C14orf39: variants seen among roughly 807,000 people sequenced by gnomAD.
The protein encoded by C14orf39 is chromosome 14 open reading frame 39.
A neutral mutation model predicts 85.6 loss-of-function variants in C14orf39; 66 were observed. The ratio of observed to expected loss-of-function variants is 0.77; its 90% CI spans 0.63 to 0.95. The LOEUF (loss-of-function observed/expected upper bound fraction) is 0.95, where lower values mean the gene tolerates loss of function less well. C14orf39 is among the 40% of genes least tolerant of loss of function. The pLI, the probability that C14orf39 is intolerant of heterozygous loss-of-function variation, is 0.00. For missense variants in C14orf39, 735 were observed against 663.9 expected, an observed-to-expected ratio of 1.11 and a Z score of -1.18; for synonymous variants, 242 against 214.0, an observed-to-expected ratio of 1.13 and a Z score of -1.14.
chr14:60,436,304 T>C lies in C14orf39; in HGVS notation c.*541A>G, dbSNP rs1890246913. ...AACTCATAAAATTAGAATTGTACCA[T>C]GTGTTATATTAGAAGAAAATAACAC... On this transcript the variant is annotated 3_prime_UTR_variant, in exon 18 of 18. Coordinates refer to ENST00000321731, the MANE Select transcript of C14orf39 (RefSeq NM_174978.3). 1 of 152,184 alleles carries C rather than the reference T, an allele frequency of 6.6e-6. No homozygotes were observed. The highest frequency in any genetic ancestry group is 1.5e-5 in the Non-Finnish European group (1 of 68,046). The allele number at this position is 152,184 out of a possible 1,614,324, so 9.4% of individuals were successfully genotyped here.
rs770148963 is a variant in C14orf39 at position 60,511,237 on chromosome 14, C to T, written c.-144+4158G>A. 168 of 1,613,276 alleles carry T rather than the reference C, an allele frequency of 1.0e-4. No individual in the cohort carries two copies. Among genetic ancestry groups the T allele is most frequent in the Non-Finnish European group, 1.4e-4 (163 of 1,179,936 alleles). ...CCATCTCCATCACGTCCAGCGACAG[C>T]GAGTGCGACATCTGAGTTGCCCATC... On this transcript the variant is annotated intron_variant, in intron 1 of 5. Transcript: ENST00000556799.
chr14:60,444,508 T>A (rs1890671472), intron 16 of C14orf39, among the ~76,000 whole-genome samples: 1 of 151,190 alleles, frequency 6.6e-6, no homozygotes, highest in Non-Finnish European at 1.5e-5. Context: ...GAAAAAAGAG[T>A]AAAAAGAAAC....
intron 15 of C14orf39, among the ~76,000 whole-genome samples, chr14:60,456,391 A>C (rs1318829083): frequency 2.0e-5 from 3 of 151,474 alleles, no homozygotes. Context: ...ATAAGTCTAC[A>C]ATCTACCATA....
intron 1 of C14orf39, among the ~76,000 whole-genome samples, chr14:60,506,871 G>A (rs1250057165): frequency 6.6e-6 from 1 of 152,176 alleles, no homozygotes; most frequent in African/African-American, 2.4e-5. Context: ...CAAGAAATGG[G>A]CCATGGGATA....
At chr14:60,485,818 G>T (rs6573312) in intron 1 of C14orf39, 127 bp downstream of exon 1, 124,965 of 151,894 alleles carry the variant, frequency 0.82, 53,023 homozygotes, top group Non-Finnish European at 0.92. Context: ...CCAACCCAGG[G>T]GATAAGGCGA....
At chr14:60,456,610 C>T (rs747385872) in intron 15 of C14orf39, among the ~76,000 whole-genome samples, 4 of 151,890 alleles carry the variant, frequency 2.6e-5, no homozygotes, top group Admixed American at 1.3e-4. Flanking sequence ...AATCTACACA[C>T]TATTGCTTTA....
chr14:60,487,826 C>T (rs549158902), upstream of C14orf39, among the ~76,000 whole-genome samples: 4 of 152,194 alleles, frequency 2.6e-5, no homozygotes, highest in East Asian at 3.9e-4. Flanking sequence ...ACAGGTGTGA[C>T]GTATCCTATT....
At chr14:60,438,251 T>C (rs1362579217) in intron 17 of C14orf39, among the ~76,000 whole-genome samples, 3 of 152,092 alleles carry the variant, frequency 2.0e-5, no homozygotes, top group African/African-American at 7.2e-5. Flanking sequence ...GATGGATGGA[T>C]GGACAGACAG....
upstream of C14orf39, among the ~76,000 whole-genome samples, chr14:60,488,453 T>C (rs529333727): frequency 1.3e-5 from 2 of 152,282 alleles, no homozygotes; most frequent in African/African-American, 4.8e-5. Context: ...AGTGCTCCAT[T>C]TGAAAAATTA....
rs923790535 is a variant in C14orf39 at position 60,458,728 on chromosome 14, C to T, written c.1129G>A (p.Gly377Arg). 14 of 1,600,306 alleles carry T rather than the reference C, an allele frequency of 8.7e-6. No individual in the cohort carries two copies. The highest frequency in any genetic ancestry group is 1.1e-5 in the South Asian group (1 of 89,408). ...ACTTGTCTTACTGTCCCTTTATCTC[C>T]ATACTCAGCATCTGTTGTCATATGA... The part of the protein sequence containing the change: ...SEKGDKDAEY[G>R]DKGTVRQVRE... The change falls in exon 14 of 18, where the codon GGA becomes AGA. Residue 377 changes from glycine (G) to arginine (R), a missense_variant. Transcript: ENST00000321731.
intron 13 of C14orf39, among the ~76,000 whole-genome samples, chr14:60,459,272 A>G (rs1891415153): frequency 6.6e-6 from 1 of 151,760 alleles, no homozygotes; most frequent in Non-Finnish European, 1.5e-5. Context: ...CAATACATCT[A>G]TCCATTCTAC....
At chr14:60,448,546 G>C (rs1890887734) in intron 16 of C14orf39, among the ~76,000 whole-genome samples, 1 of 152,150 alleles carries the variant, frequency 6.6e-6, no homozygotes, top group South Asian at 2.1e-4. Flanking sequence ...TGCTGGAGAG[G>C]ATATGGAGAA....
At chr14:60,485,378 C>A (rs1399053457) in intron 1 of C14orf39, among the ~76,000 whole-genome samples, 1 of 152,212 alleles carries the variant, frequency 6.6e-6, no homozygotes, top group Middle Eastern at 3.2e-3. Flanking sequence ...CAACAAGCAT[C>A]CGGATCTTCC....
At chr14:60,462,950 C>T (rs12588250) in intron 11 of C14orf39, among the ~76,000 whole-genome samples, 26,065 of 151,966 alleles carry the variant, frequency 0.17, 2,961 homozygotes, top group East Asian at 0.54. Flanking sequence ...GGTACAAATA[C>T]CTGTATAAAT....
At position 60,473,353 on chromosome 14, in the gene C14orf39, T is replaced by A. The variant is rs532048814; in HGVS notation, c.324-1614A>T. On this transcript the variant is annotated intron_variant, in intron 5 of 17. Coordinates refer to ENST00000321731, the MANE Select transcript of C14orf39 (RefSeq NM_174978.3). ...CAAAAATTTTCTCCCATTCTGTAGG[T>A]TGCCTGTTCACTCTGATGGTAGTTT... 9.7e-4 allele frequency among the ~76,000 whole-genome samples: 147 copies of A among 152,314 alleles called. 1 individual carries two copies. The highest frequency in any genetic ancestry group is 3.3e-3 in the African/African-American group (139 of 41,564).
intron 1 of C14orf39, among the ~76,000 whole-genome samples, chr14:60,510,224 A>G (rs541814369): frequency 6.6e-6 from 1 of 152,196 alleles, no homozygotes; most frequent in Non-Finnish European, 1.5e-5. Context: ...CCAAGGCTTC[A>G]CTGGGACGGA....
chr14:60,513,286 C>A (rs1893319919), intron 1 of C14orf39, among the ~76,000 whole-genome samples: 1 of 152,168 alleles, frequency 6.6e-6, no homozygotes, highest in Admixed American at 6.5e-5. Context: ...CTGAAAGGCT[C>A]CCATTGTAGA....
rs1892064545 is a variant in C14orf39 at position 60,471,310 on chromosome 14, CACAAA to C, written c.554+102_554+106del. 5 of 926,654 alleles carry C rather than the reference CACAAA, an allele frequency of 5.4e-6. No homozygotes were observed. In the South Asian group the frequency reaches 6.8e-5, roughly 13 times the overall value. The allele number at this position is 926,654 out of a possible 1,614,324, so 57.4% of individuals were successfully genotyped here. A position where few individuals can be genotyped will look rare whatever the true frequency, so the allele number is the denominator to read the frequency against. ...TTACTTTTTAAATATTTTAATTAAA[CACAAA>C]ACAAATCCATGTTATTCTCACAAAG... is the stretch of plus-strand genomic sequence containing the variant. On this transcript the variant is annotated intron_variant, in intron 7 of 17. Transcript: ENST00000321731.
At chr14:60,500,418 T>C (rs1056727424) in intron 1 of C14orf39, among the ~76,000 whole-genome samples, 2 of 152,240 alleles carry the variant, frequency 1.3e-5, no homozygotes, top group Non-Finnish European at 2.9e-5. Context: ...AATTGTTTAA[T>C]GTGTATACCT....
Sources: gnomAD v4.1 joint callset for allele counts (sites outside exome capture counted in the v4.1 genomes callset) on GRCh38, gnomAD v4.1.1 for gene constraint, MANE v1.5 for transcripts, NCBI Gene and HGNC (gene_info 2026-07-23, HGNC 2026-07-21) for gene names.